Variants in FHIT observed in about 807,000 individuals in gnomAD.
FHIT encodes bis(5'-adenosyl)-triphosphatase.
A neutral mutation model predicts 17.9 loss-of-function variants in FHIT; 19 were observed. That is an observed-to-expected ratio of 1.06 (90% CI 0.74 to 1.56). The LOEUF (loss-of-function observed/expected upper bound fraction) is 1.56. Among genes scored for constraint, FHIT ranks in the 40% most tolerant of loss-of-function variants. The probability of loss-of-function intolerance (pLI) is 0.00; values close to 1 mark genes in which losing one functional copy is unlikely to be tolerated. For synonymous variants in FHIT, 81 were observed against 69.7 expected (o/e 1.16, Z -0.81); for missense variants, 248 against 189.2 (o/e 1.31, Z -1.82).
At chr3:60,983,614 C>A (rs923240474) in intron 3 of FHIT, among the ~76,000 whole-genome samples, 1 of 152,182 alleles carries the variant, frequency 6.6e-6, no homozygotes, top group Non-Finnish European at 1.5e-5. Context: ...ACAATGTCAG[C>A]AGCATTAGTG....
chr3:60,834,066 C>T (rs1348895248), intron 3 of FHIT, among the ~76,000 whole-genome samples: 6 of 152,128 alleles, frequency 3.9e-5, no homozygotes, highest in African/African-American at 1.4e-4. Context: ...CAGTTTGGGG[C>T]TATTACAGAT....
At chr3:60,844,988 T>G (rs1399262807) in intron 3 of FHIT, among the ~76,000 whole-genome samples, 1 of 152,184 alleles carries the variant, frequency 6.6e-6, no homozygotes, top group African/African-American at 2.4e-5. Context: ...AGATTTGTTC[T>G]AAATTAATAA....
At chr3:60,938,291 G>C (rs1407803119) in intron 3 of FHIT, among the ~76,000 whole-genome samples, 1 of 152,144 alleles carries the variant, frequency 6.6e-6, no homozygotes, top group Admixed American at 6.5e-5. Context: ...GCTGTATGAG[G>C]AAGGGCAGCA....
At chr3:59,802,461 C>A (rs983858974) in intron 8 of FHIT, among the ~76,000 whole-genome samples, 1 of 152,136 alleles carries the variant, frequency 6.6e-6, no homozygotes, top group African/African-American at 2.4e-5. Flanking sequence ...ATGGCCTGTT[C>A]CTGCCTTAAC....
intron 2 of FHIT, among the ~76,000 whole-genome samples, chr3:61,112,510 A>C (rs763649955): frequency 6.6e-6 from 1 of 152,122 alleles, no homozygotes; most frequent in Non-Finnish European, 1.5e-5. Flanking sequence ...TTCAATGACA[A>C]TTGAAATGTC....
At chr3:60,015,974 T>C (rs1358941963) in intron 5 of FHIT, among the ~76,000 whole-genome samples, 1 of 152,256 alleles carries the variant, frequency 6.6e-6, no homozygotes. Context: ...TTTGTAATTC[T>C]AATGCCACTT....
At chr3:59,933,231 CTCT>C (rs1706062043) in intron 7 of FHIT, among the ~76,000 whole-genome samples, 1 of 152,082 alleles carries the variant, frequency 6.6e-6, no homozygotes, top group South Asian at 2.1e-4. Flanking sequence ...AAATTCAGTC[CTCT>C]TCTTCTCTAT....
At chr3:59,809,219 G>A (rs180890297) in intron 8 of FHIT, among the ~76,000 whole-genome samples, 1 of 152,256 alleles carries the variant, frequency 6.6e-6, no homozygotes, top group Non-Finnish European at 1.5e-5. Context: ...GTCAAGATGA[G>A]GTCATACTGG....
At chr3:60,886,370 A>G (rs1291573583) in intron 3 of FHIT, among the ~76,000 whole-genome samples, 3 of 152,196 alleles carry the variant, frequency 2.0e-5, no homozygotes, top group Non-Finnish European at 2.9e-5. Context: ...AAAAACTATT[A>G]TTTTTGCCTG....
intron 5 of FHIT, among the ~76,000 whole-genome samples, chr3:60,493,413 C>T (rs971218619): frequency 9.2e-5 from 14 of 152,112 alleles, no homozygotes; most frequent in African/African-American, 3.4e-4. Context: ...ATCAGGCAAG[C>T]CAATATATGC....
rs77847125 is a variant in FHIT, at chr3:60,620,903, G to A, written c.-17-83924C>T. 8.4e-3 allele frequency among the ~76,000 whole-genome samples: 1,279 copies of A among 152,170 alleles called. 23 individuals carry two copies. The highest frequency in any genetic ancestry group is 0.025 in the African/African-American group (1,042 of 41,520). On this transcript the variant is annotated intron_variant, in intron 4 of 9. Transcript: ENST00000492590. ...AAGGAAACTGGGGGAGTGGTGGGGC[G>A]TAGGCAAACTCTGCACTCGTTGCTC...
chr3:59,910,168 C>T (rs1704800320), intron 8 of FHIT, among the ~76,000 whole-genome samples: 1 of 152,176 alleles, frequency 6.6e-6, no homozygotes, highest in Non-Finnish European at 1.5e-5. Flanking sequence ...CATGAGGCAT[C>T]AATCAACATA....
At chr3:60,828,742 G>A (rs1356018896) in intron 3 of FHIT, among the ~76,000 whole-genome samples, 1 of 152,168 alleles carries the variant, frequency 6.6e-6, no homozygotes, top group Non-Finnish European at 1.5e-5. Context: ...GCCAGGCATG[G>A]TGGCGGGTGC....
chr3:60,522,397 A>T (rs2035406441), intron 5 of FHIT, among the ~76,000 whole-genome samples: 1 of 152,244 alleles, frequency 6.6e-6, no homozygotes. Context: ...GGCATGAGTC[A>T]CTATGCCCAG....
chr3:59,843,896 C>A (rs1356580240), intron 8 of FHIT, among the ~76,000 whole-genome samples: 1 of 151,958 alleles, frequency 6.6e-6, no homozygotes, highest in Non-Finnish European at 1.5e-5. Context: ...GGAGATGAGT[C>A]CTAGTGGGAG....
chr3:59,902,309 G>A (rs1704365685), intron 8 of FHIT, among the ~76,000 whole-genome samples: 1 of 152,126 alleles, frequency 6.6e-6, no homozygotes, highest in South Asian at 2.1e-4. Context: ...AACAAGTATT[G>A]CTGAGGGTGT....
chr3:60,124,232 A>G (rs1420748222), intron 5 of FHIT, among the ~76,000 whole-genome samples: 1 of 150,862 alleles, frequency 6.6e-6, no homozygotes. Context: ...TTTTTTTTAA[A>G]ACAACAATTT....
chr3:59,993,465 A>G (rs898097772), intron 7 of FHIT, among the ~76,000 whole-genome samples: 1 of 152,054 alleles, frequency 6.6e-6, no homozygotes, highest in Non-Finnish European at 1.5e-5. Flanking sequence ...AGAGGTGTTC[A>G]TTCAGCCTGA....
intron 8 of FHIT, among the ~76,000 whole-genome samples, chr3:59,806,632 G>GTT (rs1229018029): frequency 9.9e-6 from 1 of 100,516 alleles, no homozygotes; most frequent in African/African-American, 3.6e-5. Context: ...TGGGTACAGG[G>GTT]TTTATATATA....
Sources: gnomAD v4.1 joint callset for allele counts (sites outside exome capture counted in the v4.1 genomes callset) on GRCh38, gnomAD v4.1.1 for gene constraint, MANE v1.5 for transcripts, NCBI Gene and HGNC (gene_info 2026-07-23, HGNC 2026-07-21) for gene names.